Variants in ZNF407 observed in about 807,000 individuals in gnomAD.
ZNF407 encodes zinc finger protein 407.
ZNF407 carries 17 observed loss-of-function variants against 131.2 expected under a neutral mutation model. The observed-to-expected ratio is 0.13, with a 90% confidence interval of 0.09 to 0.19. The LOEUF is 0.19. ZNF407 is among the 10% of genes least tolerant of loss of function. The pLI is 1.00. For missense variants in ZNF407, 2,681 were observed against 2,830.6 expected, an observed-to-expected ratio of 0.95 and a Z score of 1.20; for synonymous variants, 1,156 against 1,062.0, an observed-to-expected ratio of 1.09 and a Z score of -1.72.
intron 8 of ZNF407, among the ~76,000 whole-genome samples, chr18:75,021,204 A>C (rs1973105584): frequency 6.6e-6 from 1 of 152,134 alleles, no homozygotes; most frequent in Non-Finnish European, 1.5e-5. Context: ...AGTCCATTAT[A>C]TGTAATCTAT....
intron 1 of ZNF407, among the ~76,000 whole-genome samples, chr18:74,620,085 A>G (rs1052691667): frequency 6.6e-6 from 1 of 151,616 alleles, no homozygotes; most frequent in African/African-American, 2.4e-5. Flanking sequence ...TTTTAAAAAT[A>G]TTTTTTGAGT....
intron 4 of ZNF407, among the ~76,000 whole-genome samples, chr18:74,825,142 C>T (rs2145108724): frequency 6.6e-6 from 1 of 152,222 alleles, no homozygotes; most frequent in East Asian, 1.9e-4. Flanking sequence ...GCAGAAAAGG[C>T]CTGTGACACA....
chr18:75,064,560 C>T lies in ZNF407; in HGVS notation c.*92C>T. On this transcript the variant is annotated 3_prime_UTR_variant, in exon 9 of 9. Transcript: ENST00000299687. ...TTCCCTGAGCTTCATCTGAAACCTT[C>T]AAAACCATGAGGACAAGGCTCCCGT... 8.3e-7 allele frequency: 1 copy of T among 1,206,410 alleles called. No homozygotes were observed. The highest frequency in any genetic ancestry group is 1.8e-5 in the South Asian group (1 of 57,102). 74.7% of individuals were successfully genotyped at this position (1,206,410 alleles called of 1,614,324 possible). A position where few individuals can be genotyped will look rare whatever the true frequency, so the allele number is the denominator to read the frequency against.
chr18:74,754,762 C>T (rs538469568), intron 3 of ZNF407, among the ~76,000 whole-genome samples: 65 of 152,290 alleles, frequency 4.3e-4, no homozygotes, highest in Non-Finnish European at 6.6e-4. Context: ...GAGAGCTTTA[C>T]TTCCAACTAT....
chr18:74,764,126 G>T (rs1443275309), intron 3 of ZNF407, among the ~76,000 whole-genome samples: 1 of 150,892 alleles, frequency 6.6e-6, no homozygotes, highest in Non-Finnish European at 1.5e-5. Context: ...GACCTTTTTT[G>T]ATTTGTGAGT....
At chr18:74,823,597 G>C (rs956200015) in intron 4 of ZNF407, among the ~76,000 whole-genome samples, 2 of 152,140 alleles carry the variant, frequency 1.3e-5, no homozygotes, top group African/African-American at 4.8e-5. Context: ...AACCAACAAA[G>C]ATCAAAAGAG....
At chr18:74,640,874 A>G in intron 2 of ZNF407, 134 bp from the exon 3 acceptor site, 1 of 647,526 alleles carries the variant, frequency 1.5e-6, no homozygotes, top group East Asian at 2.8e-5. Context: ...TTATAAATGA[A>G]TGCAAGTATT....
intron 3 of ZNF407, among the ~76,000 whole-genome samples, chr18:74,716,681 C>T (rs1409793320): frequency 6.6e-6 from 1 of 152,090 alleles, no homozygotes; most frequent in Non-Finnish European, 1.5e-5. Context: ...TTAAAATATA[C>T]TATGGTAAAA....
intron 8 of ZNF407, among the ~76,000 whole-genome samples, chr18:74,963,856 C>T (rs967959332): frequency 2.0e-5 from 3 of 152,146 alleles, no homozygotes; most frequent in African/African-American, 4.8e-5. Flanking sequence ...CCCATCTTTT[C>T]GTGGAAAATT....
chr18:74,909,528 T>C (rs187258703), intron 7 of ZNF407, among the ~76,000 whole-genome samples: 7 of 152,272 alleles, frequency 4.6e-5, no homozygotes, highest in South Asian at 2.1e-4. Flanking sequence ...ACTTTCAAAA[T>C]TTTTATTTCA....
intron 8 of ZNF407, among the ~76,000 whole-genome samples, chr18:74,975,097 G>A (rs901470235): frequency 6.6e-6 from 1 of 152,160 alleles, no homozygotes; most frequent in Admixed American, 6.5e-5. Context: ...GAACTCATTT[G>A]AGTAATGTAC....
rs114819542 is a variant in ZNF407, at chr18:74,663,583, C to G, written c.4802+22461C>G. On this transcript the variant is annotated intron_variant, in intron 3 of 8. Coordinates refer to ENST00000299687, the MANE Select transcript of ZNF407 (RefSeq NM_017757.3). ...ACGTGTGGGGAACTGGGAAATTTCA[C>G]GATAACAAACTGCGCATTTAGGATA... Among the ~76,000 whole-genome samples, 972 of 152,208 alleles carry G rather than the reference C, an allele frequency of 6.4e-3. 12 individuals carry two copies. Among genetic ancestry groups the G allele is most frequent in the African/African-American group, 0.022 (913 of 41,530 alleles).
At chr18:74,729,795 T>C (rs553679473) in intron 3 of ZNF407, among the ~76,000 whole-genome samples, 16 of 152,248 alleles carry the variant, frequency 1.1e-4, no homozygotes, top group Admixed American at 2.0e-4. Flanking sequence ...AAAATATTTT[T>C]CATATTATTT....
intron 3 of ZNF407, among the ~76,000 whole-genome samples, chr18:74,776,759 T>C (rs1187838264): frequency 1.3e-5 from 2 of 152,204 alleles, no homozygotes; most frequent in Non-Finnish European, 2.9e-5. Context: ...TCAGAAGCCT[T>C]ACCAATAACA....
intron 8 of ZNF407, among the ~76,000 whole-genome samples, chr18:74,946,723 A>G (rs1972157784): frequency 6.6e-6 from 1 of 152,258 alleles, no homozygotes; most frequent in Non-Finnish European, 1.5e-5. Context: ...ATAAGAAAAA[A>G]CTAAGCATAA....
At chr18:74,754,959 C>T (rs1968893321) in intron 3 of ZNF407, among the ~76,000 whole-genome samples, 2 of 152,118 alleles carry the variant, frequency 1.3e-5, no homozygotes, top group Non-Finnish European at 1.5e-5. Context: ...GTTAAAGTCT[C>T]CCATTATTAT....
At chr18:74,978,193 T>C (rs1420757258) in intron 8 of ZNF407, among the ~76,000 whole-genome samples, 3 of 152,118 alleles carry the variant, frequency 2.0e-5, no homozygotes, top group Non-Finnish European at 4.4e-5. Context: ...TATGGAATAA[T>C]GTGACCAAAG....
intron 8 of ZNF407, among the ~76,000 whole-genome samples, chr18:74,923,747 T>G (rs1463656643): frequency 1.3e-5 from 2 of 152,204 alleles, no homozygotes; most frequent in African/African-American, 4.8e-5. Context: ...TTATGAAATA[T>G]TTCTTAGTAG....
rs1425487666 is a variant in ZNF407, at chr18:74,700,244, A to C, written c.4802+59122A>C. 2.6e-5 allele frequency among the ~76,000 whole-genome samples: 4 copies of C among 152,230 alleles called. No homozygotes were observed. In the South Asian group the frequency reaches 8.3e-4, roughly 31 times the overall value. On this transcript the variant is annotated intron_variant, in intron 3 of 8. Coordinates refer to ENST00000299687, the MANE Select transcript of ZNF407 (RefSeq NM_017757.3). ...CCATGTGAAGTAAGTTTTAAAATAC[A>C]TTAGTATACCTACATTTGAAACCTT...
Sources: gnomAD v4.1 joint callset for allele counts (sites outside exome capture counted in the v4.1 genomes callset) on GRCh38, gnomAD v4.1.1 for gene constraint, MANE v1.5 for transcripts, NCBI Gene and HGNC (gene_info 2026-07-23, HGNC 2026-07-21) for gene names.